FBLN7: variants seen among roughly 807,000 people sequenced by gnomAD.
FBLN7 encodes the protein fibulin-7.
In FBLN7, 31 loss-of-function variants were observed where a neutral mutation model predicts 44.0. The ratio of observed to expected loss-of-function variants is 0.70; its 90% CI spans 0.53 to 0.95. FBLN7 has a LOEUF of 0.95. Among genes scored for constraint, FBLN7 ranks in the 40% least tolerant of loss-of-function variants. FBLN7 has a pLI of 0.00. For synonymous variants in FBLN7, 262 were observed against 253.4 expected, an observed-to-expected ratio of 1.03 and a Z score of -0.32; for missense variants, 573 against 618.5, an observed-to-expected ratio of 0.93 and a Z score of 0.78.
chr2:112,205,727 A>G, the FBLN7 span, among the ~76,000 whole-genome samples: 1 of 152,126 alleles, frequency 6.6e-6, no homozygotes, highest in African/African-American at 2.4e-5. Flanking sequence ...ACTGTAGCTT[A>G]TAGTAATTTT....
At chr2:112,238,679 T>C in the FBLN7 span, 1 of 498,432 alleles carries the variant, frequency 2.0e-6, no homozygotes, top group Non-Finnish European at 3.3e-6. Context: ...TCCACTCATA[T>C]ATTTGAAAAT....
intron 4 of FBLN7, among the ~76,000 whole-genome samples, 195 bp from the exon 5 acceptor site, chr2:112,181,544 C>T (rs1051718913): frequency 2.0e-5 from 3 of 152,166 alleles, no homozygotes; most frequent in Non-Finnish European, 4.4e-5. Context: ...TCCTTTCCCG[C>T]GCCCCCTTCG....
chr2:112,238,376 C>T, the FBLN7 span: 1 of 1,613,624 alleles, frequency 6.2e-7, no homozygotes, highest in Non-Finnish European at 8.5e-7. Context: ...CAGCATTTGC[C>T]ATTTCTCTGG....
At position 112,165,070 on chromosome 2, in the gene FBLN7, A is replaced by C. The variant is rs775700509; in HGVS notation, c.305A>C (p.Glu102Ala). 1.2e-6 allele frequency: 2 copies of C among 1,614,036 alleles called. No individual in the cohort carries two copies. Among genetic ancestry groups the C allele is most frequent in the Admixed American group, 1.7e-5 (1 of 60,000 alleles). The part of the protein sequence containing the change: ...KFGSKYLVDH[E>A]VHFTCNPGFR... Reference sequence around the variant, plus strand: ...GGAAGCAAGTACTTAGTGGATCACGAAGTCCATTTTACCTGCAACCCTGGG... The same window carrying C: ...GGAAGCAAGTACTTAGTGGATCACGCAGTCCATTTTACCTGCAACCCTGGG... Residue 102 changes from glutamate (E) to alanine (A), a missense_variant, in exon 3 of 8, where the codon GAA becomes GCA. Physicochemically the swap from Glu to Ala is moderately radical, Grantham distance 107. Transcript: ENST00000331203.
At chr2:112,150,931 G>A (rs1236590527) in intron 1 of FBLN7, among the ~76,000 whole-genome samples, 3 of 152,170 alleles carry the variant, frequency 2.0e-5, no homozygotes, top group South Asian at 2.1e-4. Flanking sequence ...TTGCCTAAGC[G>A]GGGTGCTGCA....
Position 112,187,302 on chromosome 2 carries a change from G to T in FBLN7, c.1116G>T (p.Arg372=). The T allele has an allele frequency of 6.2e-7, 1 of 1,614,174 alleles. No individual in the cohort carries two copies. The highest frequency in any genetic ancestry group is 8.5e-7 in the Non-Finnish European group (1 of 1,180,044). Residue 372 remains arginine (R), a synonymous_variant, in exon 8 of 8, where the codon CGG becomes CGT. Coordinates refer to ENST00000331203, the MANE Select transcript of FBLN7 (RefSeq NM_153214.3). This position sits in a 1 kb window ranked among gnomAD's most constrained non-coding sequence, Gnocchi z 5.1. ...APGRAGPNSL[R]FGIVGGNSRG... ...GCCGAGCTGGGCCCAACAGCCTGCG[G>T]TTTGGGATCGTGGGTGGGAACAGCC...
rs1056562014 is a variant in FBLN7 at position 112,187,596 on chromosome 2, C to T, written c.*90C>T. 4.7e-5 allele frequency: 72 copies of T among 1,523,924 alleles called. No homozygotes were observed. The highest frequency in any genetic ancestry group is 4.1e-4 in the African/African-American group (30 of 73,112). 94.4% of individuals were successfully genotyped at this position (1,523,924 alleles called of 1,614,324 possible). On this transcript the variant is annotated 3_prime_UTR_variant, in exon 8 of 8. Coordinates refer to ENST00000331203, the MANE Select transcript of FBLN7 (RefSeq NM_153214.3). The surrounding 1 kb of genome is among the most constrained non-coding windows in gnomAD (Gnocchi z 5.1). Reference sequence around the variant, plus strand: ...CGGGCACCGACTGCGTGGAGCCTCCCGCCTGTTCCCGCCCTCTCACCAGTG... The same window carrying T: ...CGGGCACCGACTGCGTGGAGCCTCCTGCCTGTTCCCGCCCTCTCACCAGTG...
intron 3 of FBLN7, among the ~76,000 whole-genome samples, chr2:112,167,866 A>T (rs1446420393): frequency 1.0e-4 from 1 of 10,018 alleles, no homozygotes; most frequent in Non-Finnish European, 2.4e-4. Context: ...TCCAGGAAAG[A>T]CACGTTATGT....
chr2:112,171,200 G>T (rs1219115553), intron 3 of FBLN7, among the ~76,000 whole-genome samples: 4 of 152,206 alleles, frequency 2.6e-5, no homozygotes, highest in African/African-American at 7.2e-5. Flanking sequence ...GAGGTACCCA[G>T]TTGGGAGTTA....
At chr2:112,162,815 T>C (rs1035260147) in intron 2 of FBLN7, among the ~76,000 whole-genome samples, 9 of 152,162 alleles carry the variant, frequency 5.9e-5, no homozygotes, top group Non-Finnish European at 1.2e-4. Context: ...TGCAGGTAGT[T>C]TTCTTTTGTC....
intron 1 of FBLN7, among the ~76,000 whole-genome samples, chr2:112,147,691 AG>A (rs1264280740): frequency 1.3e-5 from 2 of 152,110 alleles, no homozygotes; most frequent in Non-Finnish European, 2.9e-5. Flanking sequence ...CCTGAGCTGG[AG>A]TCTACATTTT....
intron 2 of FBLN7, among the ~76,000 whole-genome samples, chr2:112,160,686 GCACACGCACACA>G (rs1681729833): frequency 7.6e-6 from 1 of 130,844 alleles, no homozygotes; most frequent in Middle Eastern, 3.9e-3. Flanking sequence ...GCAGACGCAC[GCACACGCACACA>G]CGCACGCACA....
the FBLN7 span, among the ~76,000 whole-genome samples, chr2:112,228,752 A>G: frequency 6.6e-6 from 1 of 152,230 alleles, no homozygotes; most frequent in African/African-American, 2.4e-5. Flanking sequence ...TACGACATCA[A>G]AATGAAAACT....
chr2:112,143,240 G>C (rs946082960), intron 1 of FBLN7, among the ~76,000 whole-genome samples: 3 of 152,218 alleles, frequency 2.0e-5, no homozygotes, highest in African/African-American at 7.2e-5. Context: ...TGCCCACCCT[G>C]TGGCCTTCCC....
At chr2:112,206,403 T>C in the FBLN7 span, among the ~76,000 whole-genome samples, 32 of 152,284 alleles carry the variant, frequency 2.1e-4, 1 homozygote, top group East Asian at 5.8e-3. Context: ...CTGTTTACAG[T>C]TTCATTGATC....
intron 3 of FBLN7, among the ~76,000 whole-genome samples, chr2:112,166,874 C>G (rs1444568042): frequency 6.6e-6 from 1 of 152,180 alleles, no homozygotes; most frequent in African/African-American, 2.4e-5. Flanking sequence ...CTGGGGTGCA[C>G]CCCCACATCT....
At chr2:112,196,406 G>A in the FBLN7 span, among the ~76,000 whole-genome samples, 1 of 128,612 alleles carries the variant, frequency 7.8e-6, no homozygotes, top group Admixed American at 8.4e-5. Context: ...TTTTGAGACA[G>A]GGTTTTGCTC....
the FBLN7 span, chr2:112,233,119 A>G: frequency 3.6e-6 from 2 of 553,234 alleles, no homozygotes; most frequent in South Asian, 5.4e-5. Flanking sequence ...TCCACGTACA[A>G]TTTAATCACT....
At chr2:112,150,366 C>A (rs553525005) in intron 1 of FBLN7, among the ~76,000 whole-genome samples, 4 of 151,610 alleles carry the variant, frequency 2.6e-5, no homozygotes, top group Non-Finnish European at 4.4e-5. Flanking sequence ...AGACAGGGGT[C>A]TCTGCTGTAC....
Sources: gnomAD v4.1 joint callset for allele counts (sites outside exome capture counted in the v4.1 genomes callset) on GRCh38, gnomAD v4.1.1 for gene constraint, Gnocchi (gnomAD v3.1) non-coding constraint, MANE v1.5 for transcripts, NCBI Gene and HGNC (gene_info 2026-07-23, HGNC 2026-07-21) for gene names.